ARIH1: variants seen among roughly 807,000 people sequenced by gnomAD.
ARIH1 encodes the protein E3 ubiquitin-protein ligase ARIH1.
In ARIH1, 8 loss-of-function variants were observed where a neutral mutation model predicts 85.0. That is an observed-to-expected ratio of 0.09 (90% confidence interval 0.06 to 0.17). ARIH1 has a LOEUF of 0.17. Among genes scored for constraint, ARIH1 ranks in the 10% least tolerant of loss-of-function variants. The pLI is 1.00. For synonymous variants in ARIH1, 238 were observed against 253.6 expected (o/e 0.94, Z 0.59); for missense variants, 311 against 718.1 (o/e 0.43, Z 6.48).
rs1595845385 is a variant in ARIH1, at chr15:72,474,972, A to G, written c.333A>G (p.Gln111=). 2 of 1,560,568 alleles carry G rather than the reference A, an allele frequency of 1.3e-6. No individual in the cohort carries two copies. Among genetic ancestry groups the G allele is most frequent in the Non-Finnish European group, 8.7e-7 (1 of 1,152,156 alleles). The change falls in exon 1 of 14, where the codon CAA becomes CAG. Residue 111 remains glutamine, a synonymous_variant. Transcript: ENST00000379887. ...TGCTCACGGCCGAGCAGATTCTACAACACATGGTGGAATGTATCCGGGAGG... is the reference window on the plus strand; with the variant it reads ...TGCTCACGGCCGAGCAGATTCTACAGCACATGGTGGAATGTATCCGGGAGG... The part of the protein sequence containing the change: ...YEVLTAEQIL[Q]HMVECIREVN...
At chr15:72,581,049 T>A (rs532371571) in intron 12 of ARIH1, 58 bp downstream of exon 12, 2 of 1,532,940 alleles carry the variant, frequency 1.3e-6, no homozygotes, top group Non-Finnish European at 1.8e-6. Flanking sequence ...CTACCTGATC[T>A]TTCATATATA....
intron 1 of ARIH1, among the ~76,000 whole-genome samples, chr15:72,495,553 A>C (rs1357657609): frequency 6.6e-6 from 1 of 152,230 alleles, no homozygotes; most frequent in Non-Finnish European, 1.5e-5. Context: ...TCCTATAAAC[A>C]AAAGAATATA....
intron 9 of ARIH1, among the ~76,000 whole-genome samples, chr15:72,567,463 C>G (rs1349262978): frequency 1.3e-5 from 2 of 152,146 alleles, no homozygotes; most frequent in Non-Finnish European, 2.9e-5. Flanking sequence ...GATAATTTTT[C>G]AAGTGTGGGA....
chr15:72,543,576 TAGG>T (rs897994986), intron 2 of ARIH1, among the ~76,000 whole-genome samples: 62 of 152,174 alleles, frequency 4.1e-4, no homozygotes, highest in African/African-American at 1.4e-3. Flanking sequence ...TTATTAGTCT[TAGG>T]AGAAGTGATA....
At chr15:72,546,667 G>A (rs2064130116) in intron 3 of ARIH1, among the ~76,000 whole-genome samples, 1 of 151,820 alleles carries the variant, frequency 6.6e-6, no homozygotes, top group South Asian at 2.1e-4. Context: ...GTGTGTGTGT[G>A]TGTGTGTTTT....
At chr15:72,491,752 A>G (rs569271503) in intron 1 of ARIH1, among the ~76,000 whole-genome samples, 2 of 152,320 alleles carry the variant, frequency 1.3e-5, no homozygotes, top group South Asian at 4.1e-4. Context: ...GTTATGTGAA[A>G]TAGGTGACAT....
intron 2 of ARIH1, among the ~76,000 whole-genome samples, chr15:72,533,923 A>G (rs530237412): frequency 6.6e-6 from 1 of 152,190 alleles, no homozygotes; most frequent in South Asian, 2.1e-4. Context: ...AGAAAAAGTC[A>G]TATATAAGCA....
chr15:72,494,087 T>G (rs954094166), intron 1 of ARIH1, among the ~76,000 whole-genome samples: 5 of 152,132 alleles, frequency 3.3e-5, no homozygotes, highest in African/African-American at 1.2e-4. Flanking sequence ...TCCTAAATAA[T>G]CGTGTTATAG....
chr15:72,502,840 G>A (rs967311874), intron 1 of ARIH1, among the ~76,000 whole-genome samples: 1 of 151,922 alleles, frequency 6.6e-6, no homozygotes, highest in African/African-American at 2.4e-5. Flanking sequence ...AGTGATGAAG[G>A]TATGACATTC....
intron 2 of ARIH1, among the ~76,000 whole-genome samples, chr15:72,523,837 TAAAC>T (rs1308787480): frequency 2.1e-5 from 3 of 144,530 alleles, no homozygotes; most frequent in Non-Finnish European, 4.5e-5. Flanking sequence ...AAGGGGGAAA[TAAAC>T]CGTTGGCAAA....
In ARIH1 at chr15:72,474,420, A is replaced by G. The variant is rs1459367765; in HGVS notation, c.-220A>G. The G allele has an allele frequency of 6.8e-6, 4 of 587,036 alleles. No individual in the cohort carries two copies. The African/African-American group carries it at 8.0e-5, about 12-fold the overall frequency. The allele number at this position is 587,036 out of a possible 1,614,324, so 36.4% of individuals were successfully genotyped here. On this transcript the variant is annotated 5_prime_UTR_variant, in exon 1 of 14. Transcript: ENST00000379887. ...GCCGCGTCTGACTGAGGCGGGCAGC[A>G]AGCGGCCCCCTCGCTCCCTCCCTCC... is the stretch of plus-strand genomic sequence containing the variant.
intron 8 of ARIH1, 22 bp downstream of exon 8, chr15:72,566,627 A>G (rs1490172197): frequency 1.3e-6 from 2 of 1,597,896 alleles, no homozygotes; most frequent in South Asian, 1.1e-5. Flanking sequence ...TGACATTTCA[A>G]TTTTTAAATA....
At chr15:72,508,726 C>T (rs561429563) in intron 1 of ARIH1, among the ~76,000 whole-genome samples, 22 of 147,190 alleles carry the variant, frequency 1.5e-4, no homozygotes, top group African/African-American at 5.5e-4. Flanking sequence ...CGGAGTCTCT[C>T]TCTATCACCC....
At chr15:72,567,362 A>G (rs985159869) in intron 9 of ARIH1, among the ~76,000 whole-genome samples, 185 bp downstream of exon 9, 4 of 149,002 alleles carry the variant, frequency 2.7e-5, no homozygotes, top group African/African-American at 9.9e-5. Context: ...TTTATTTTAG[A>G]GTATTGAGTA....
intron 10 of ARIH1, 76 bp from the exon 11 acceptor site, chr15:72,572,032 T>C: frequency 9.1e-7 from 1 of 1,098,638 alleles, no homozygotes; most frequent in South Asian, 1.4e-5. Context: ...TAAATCCAGG[T>C]TAAAATTCTG....
At position 72,474,812 on chromosome 15, in the gene ARIH1, G is replaced by A; in HGVS notation, c.173G>A (p.Arg58Gln). ...CCCGGGCTGGGCGTCGGCGGGGAGC[G>A]GGACGGACTGCTGTGCGGGGAGACG... The part of the protein sequence containing the change: ...VEPGLGVGGE[R>Q]DGLLCGETGG... Residue 58 changes from arginine (R) to glutamine (Q), a missense_variant, in exon 1 of 14, where the codon CGG becomes CAG. Physicochemically the swap from Arg to Gln is conservative, Grantham distance 43. This residue lies in a region of ARIH1 where 157 missense variants were observed against 185.1 expected (regional missense o/e 0.85). Coordinates refer to ENST00000379887, the MANE Select transcript of ARIH1 (RefSeq NM_005744.5). 1 of 1,478,176 alleles carries A rather than the reference G, an allele frequency of 6.8e-7. No individual in the cohort carries two copies. The highest frequency in any genetic ancestry group is 1.4e-5 in the South Asian group (1 of 70,312). 91.6% of individuals were successfully genotyped at this position (1,478,176 alleles called of 1,614,324 possible).
intron 1 of ARIH1, among the ~76,000 whole-genome samples, chr15:72,486,029 A>C: frequency 6.6e-6 from 1 of 152,178 alleles, no homozygotes; most frequent in South Asian, 2.1e-4. Context: ...TTTTTTAAAA[A>C]GCTGTCAAGC....
chr15:72,547,259 T>G (rs1476837426), intron 3 of ARIH1, among the ~76,000 whole-genome samples: 1 of 149,954 alleles, frequency 6.7e-6, no homozygotes, highest in Admixed American at 6.7e-5. Context: ...TTGACACGAG[T>G]TTTGCTCTTG....
chr15:72,568,686 G>A (rs912711351), intron 9 of ARIH1, among the ~76,000 whole-genome samples: 17 of 152,172 alleles, frequency 1.1e-4, no homozygotes, highest in Admixed American at 2.0e-4. Context: ...AATACTATTA[G>A]GTTAATTATA....
Sources: allele counts gnomAD v4.1 joint callset (sites outside exome capture counted in the v4.1 genomes callset), GRCh38; gene constraint gnomAD v4.1.1; regional missense constraint gnomAD v4.1.1; transcripts MANE v1.5; gene names NCBI Gene and HGNC (gene_info 2026-07-23, HGNC 2026-07-21).